AEN: variants seen among roughly 807,000 people sequenced by gnomAD.
AEN encodes apoptosis-enhancing nuclease.
A neutral mutation model predicts 17.7 loss-of-function variants in AEN; 21 were observed. The ratio of observed to expected loss-of-function variants is 1.19; its 90% CI spans 0.84 to 1.71. AEN has a LOEUF of 1.71. Ranked by LOEUF, AEN falls within the 40% of genes most tolerant of loss-of-function variation. The pLI is 0.00. For synonymous variants in AEN, 190 were observed against 173.0 expected (o/e 1.10, Z -0.77); for missense variants, 462 against 435.9 (o/e 1.06, Z -0.53).
the AEN span, among the ~76,000 whole-genome samples, chr15:88,609,858 T>C: frequency 6.6e-6 from 1 of 152,214 alleles, no homozygotes; most frequent in Non-Finnish European, 1.5e-5. Context: ...ACTCTGTCTC[T>C]GAACTCTGCT....
At chr15:88,629,905 A>G (rs3826039) in intron 3 of AEN, among the ~76,000 whole-genome samples, 153 bp from the exon 4 acceptor site, 2 of 152,082 alleles carry the variant, frequency 1.3e-5, no homozygotes, top group African/African-American at 4.8e-5. Flanking sequence ...TATGGTGTAC[A>G]GTTGAGGTTC....
intron 2 of AEN, chr15:88,627,469 T>TTTG (rs2057869674): frequency 2.6e-5 from 4 of 151,902 alleles, no homozygotes; most frequent in African/African-American, 9.6e-5. Flanking sequence ...CTTTTTTTTT[T>TTTG]TTTTTTTATT....
At chr15:88,629,069 G>A in intron 2 of AEN, 157 bp from the exon 3 acceptor site, 1 of 711,938 alleles carries the variant, frequency 1.4e-6, no homozygotes, top group Non-Finnish European at 2.4e-6. Flanking sequence ...CAGACTTGGG[G>A]CAGCATGGTT....
the AEN span, among the ~76,000 whole-genome samples, chr15:88,614,543 C>CA: frequency 6.6e-6 from 1 of 152,136 alleles, no homozygotes; most frequent in South Asian, 2.1e-4. Context: ...AGTCTCAACA[C>CA]AAAAACCTCG....
At chr15:88,613,670 A>G in the AEN span, among the ~76,000 whole-genome samples, 1 of 152,168 alleles carries the variant, frequency 6.6e-6, no homozygotes, top group South Asian at 2.1e-4. Context: ...CTGGCTCTGA[A>G]GTCAAACATG....
chr15:88,627,008 A>C (rs2057863470), intron 2 of AEN: 1 of 464,266 alleles, frequency 2.2e-6, no homozygotes, highest in South Asian at 3.2e-5. Context: ...TAAATAGCTT[A>C]CATTTTAGAG....
chr15:88,612,902 C>T, the AEN span, among the ~76,000 whole-genome samples: 1 of 152,116 alleles, frequency 6.6e-6, no homozygotes, highest in South Asian at 2.1e-4. Flanking sequence ...TGCCTGGCCT[C>T]CCAGCCTTTC....
the AEN span, among the ~76,000 whole-genome samples, chr15:88,612,368 C>G: frequency 6.6e-6 from 1 of 151,932 alleles, no homozygotes; most frequent in African/African-American, 2.4e-5. Context: ...GGGGACACAC[C>G]TGACCTCGGA....
At position 88,630,743 on chromosome 15, in the gene AEN, T is replaced by C. The variant is rs2057917739; in HGVS notation, c.*449T>C. On this transcript the variant is annotated 3_prime_UTR_variant, in exon 4 of 4. Transcript: ENST00000332810. The surrounding 1 kb of genome is among the most constrained non-coding windows in gnomAD (Gnocchi z 5.1). Reference sequence around the variant, plus strand: ...CTGGAGCTCCCTTACCCCAACTCAATGACTTGGGGGTAAAGTTCTCTTCCT... The same window carrying C: ...CTGGAGCTCCCTTACCCCAACTCAACGACTTGGGGGTAAAGTTCTCTTCCT... 4 of 215,552 alleles carry C rather than the reference T, an allele frequency of 1.9e-5. No individual in the cohort carries two copies. The South Asian group carries it at 2.7e-4, about 15-fold the overall frequency. The allele number at this position is 215,552 out of a possible 1,614,324, so 13.4% of individuals were successfully genotyped here. A position where few individuals can be genotyped will look rare whatever the true frequency, so the allele number is the denominator to read the frequency against.
At chr15:88,623,007 G>T (rs757427582) in intron 1 of AEN, among the ~76,000 whole-genome samples, 2 of 152,108 alleles carry the variant, frequency 1.3e-5, no homozygotes. Context: ...TTGCCAGTAG[G>T]ATCAGGAAAG....
chr15:88,622,787 C>A (rs1489251796), intron 1 of AEN, among the ~76,000 whole-genome samples: 7 of 152,134 alleles, frequency 4.6e-5, no homozygotes, highest in Non-Finnish European at 8.8e-5. Context: ...TGCGTGGCGC[C>A]GGGCTGCCTG....
chr15:88,607,675 C>A, the AEN span, among the ~76,000 whole-genome samples: 1 of 152,168 alleles, frequency 6.6e-6, no homozygotes, highest in African/African-American at 2.4e-5. Context: ...ATGCCCTGAA[C>A]CATAAACACA....
At chr15:88,626,924 A>G in intron 2 of AEN, 175 bp downstream of exon 2, 1 of 717,728 alleles carries the variant, frequency 1.4e-6, no homozygotes, top group Non-Finnish European at 2.2e-6. Flanking sequence ...TAAAATCCTG[A>G]CCTTGCCTCC....
the AEN span, among the ~76,000 whole-genome samples, chr15:88,607,763 T>A: frequency 6.4e-3 from 981 of 152,304 alleles, 11 homozygotes; most frequent in African/African-American, 0.023. Flanking sequence ...AGAATTTTTA[T>A]TCATTATAAT....
At chr15:88,622,907 G>A (rs8023799) in intron 1 of AEN, among the ~76,000 whole-genome samples, 2 of 152,154 alleles carry the variant, frequency 1.3e-5, no homozygotes, top group African/African-American at 4.8e-5. Flanking sequence ...CAAGGTCAGG[G>A]TGTTTGGAAA....
At chr15:88,609,160 C>A in the AEN span, among the ~76,000 whole-genome samples, 1 of 152,140 alleles carries the variant, frequency 6.6e-6, no homozygotes, top group Non-Finnish European at 1.5e-5. Flanking sequence ...GAGCCATATT[C>A]TTTATTGGCC....
rs1009061404 is a variant in AEN, at chr15:88,631,653, C to G, written c.*1359C>G. 6.6e-6 allele frequency: 1 copy of G among 152,396 alleles called. No homozygotes were observed. Among genetic ancestry groups the G allele is most frequent in the African/African-American group, 2.4e-5 (1 of 41,336 alleles). 9.4% of individuals were successfully genotyped at this position (152,396 alleles called of 1,614,324 possible). Reference sequence around the variant, plus strand: ...ACAGCTACTGTGAGTTTCTGTTTATCCCCCTTTTTTTTTTTTAAGCCCATT... The same window carrying G: ...ACAGCTACTGTGAGTTTCTGTTTATGCCCCTTTTTTTTTTTTAAGCCCATT... On this transcript the variant is annotated 3_prime_UTR_variant, in exon 4 of 4. Transcript: ENST00000332810.
chr15:88,610,224 G>T, the AEN span, among the ~76,000 whole-genome samples: 3 of 151,902 alleles, frequency 2.0e-5, no homozygotes, highest in Non-Finnish European at 4.4e-5. Flanking sequence ...TTCTCTAATG[G>T]TACCCTCAGG....
chr15:88,614,975 C>T, the AEN span, among the ~76,000 whole-genome samples: 2 of 152,018 alleles, frequency 1.3e-5, no homozygotes, highest in South Asian at 2.1e-4. Context: ...GCCATTCTAC[C>T]GCCTCAGCCT....
Sources: gnomAD v4.1 joint callset for allele counts (sites outside exome capture counted in the v4.1 genomes callset) on GRCh38, gnomAD v4.1.1 for gene constraint, Gnocchi (gnomAD v3.1) non-coding constraint, MANE v1.5 for transcripts, NCBI Gene and HGNC (gene_info 2026-07-23, HGNC 2026-07-21) for gene names.